The following SHROOM3 variants were observed in gnomAD, a reference collection of about 807,000 sequenced individuals.
SHROOM3 encodes shroom family member 3, also known as protein Shroom3.
A neutral mutation model predicts 138.6 loss-of-function variants in SHROOM3; 47 were observed. That is an observed-to-expected ratio of 0.34 (90% CI 0.27 to 0.43). The LOEUF (loss-of-function observed/expected upper bound fraction) is 0.43. Among genes scored for constraint, SHROOM3 ranks in the 20% least tolerant of loss-of-function variants. The probability of loss-of-function intolerance (pLI) is 1.00; values close to 1 mark genes in which losing one functional copy is unlikely to be tolerated. For missense variants in SHROOM3, 2,491 were observed against 2,596.5 expected (o/e 0.96, Z 0.88); for synonymous variants, 1,062 against 1,063.3 (o/e 1.00, Z 0.02).
intron 10 of SHROOM3, among the ~76,000 whole-genome samples, chr4:76,773,454 A>G (rs183426218): frequency 3.9e-5 from 6 of 152,106 alleles, no homozygotes; most frequent in African/African-American, 1.2e-4. Context: ...GATAAAGAAG[A>G]AAGTTCAAAG....
At chr4:76,491,534 TAA>T (rs1300126217) in intron 1 of SHROOM3, among the ~76,000 whole-genome samples, 1 of 152,220 alleles carries the variant, frequency 6.6e-6, no homozygotes, top group Non-Finnish European at 1.5e-5. Context: ...TCTCTGATAA[TAA>T]AAAGTCTAGC....
At chr4:76,651,370 G>A (rs912325426) in intron 2 of SHROOM3, among the ~76,000 whole-genome samples, 1 of 135,088 alleles carries the variant, frequency 7.4e-6, no homozygotes, top group Non-Finnish European at 1.6e-5. Flanking sequence ...CACATTGCAT[G>A]TCTGTATTAA....
intron 9 of SHROOM3, among the ~76,000 whole-genome samples, chr4:76,766,129 C>A (rs1303764509): frequency 6.6e-6 from 1 of 152,236 alleles, no homozygotes; most frequent in Non-Finnish European, 1.5e-5. Context: ...ATCCTCCTCA[C>A]TTTCCTCATC....
chr4:76,713,995 A>G (rs1720305274), intron 3 of SHROOM3, among the ~76,000 whole-genome samples: 1 of 152,208 alleles, frequency 6.6e-6, no homozygotes, highest in Admixed American at 6.5e-5. Flanking sequence ...CTCAGATCCT[A>G]CATCCTGTTT....
rs1393146458 is a variant in SHROOM3, at chr4:76,741,107, C to G, written c.2934C>G (p.Ser978=). The G allele has an allele frequency of 6.5e-7, 1 of 1,549,064 alleles. No individual in the cohort carries two copies. Among genetic ancestry groups the G allele is most frequent in the South Asian group, 1.2e-5 (1 of 84,174 alleles). Residue 978 remains serine, a synonymous_variant, in exon 5 of 11, where the codon TCC becomes TCG. Coordinates refer to ENST00000296043, the MANE Select transcript of SHROOM3 (RefSeq NM_020859.4). This position sits in a 1 kb window ranked among gnomAD's most constrained non-coding sequence, Gnocchi z 6.2. ...LRSPEASASA[S]PHTPRERHSV... is the part of the protein sequence containing the mutation. ...GCCCCGAGGCGTCGGCCTCCGCCTCCCCGCACACGCCCCGGGAGCGGCACA... is the reference window on the plus strand; with the variant it reads ...GCCCCGAGGCGTCGGCCTCCGCCTCGCCGCACACGCCCCGGGAGCGGCACA...
chr4:76,470,832 C>T (rs56087592), intron 1 of SHROOM3, among the ~76,000 whole-genome samples: 5,252 of 152,270 alleles, frequency 0.034, 113 homozygotes, highest in Middle Eastern at 0.071. Flanking sequence ...TAGCATGCCA[C>T]ATTTCAAGCA....
intron 2 of SHROOM3, among the ~76,000 whole-genome samples, chr4:76,629,670 C>T (rs1255699037): frequency 6.6e-6 from 1 of 151,784 alleles, no homozygotes; most frequent in Non-Finnish European, 1.5e-5. Flanking sequence ...TTTTGAAGGT[C>T]GAAACAACAG....
rs113219223 is a variant in SHROOM3 at position 76,529,709 on chromosome 4, G to A, written c.169-25900G>A. ...CATCTGAGGTTTCTATTACCCCTACGTACAGGACTGGACTTTCCAAGAGCT... is the reference window on the plus strand; with the variant it reads ...CATCTGAGGTTTCTATTACCCCTACATACAGGACTGGACTTTCCAAGAGCT... On this transcript the variant is annotated intron_variant, in intron 1 of 10. Coordinates refer to ENST00000296043, the MANE Select transcript of SHROOM3 (RefSeq NM_020859.4). Among the ~76,000 whole-genome samples the A allele has an allele frequency of 8.9e-4, 130 of 145,318 alleles. 1 individual carries two copies. The highest frequency in any genetic ancestry group is 3.1e-3 in the African/African-American group (121 of 38,514).
In SHROOM3 at chr4:76,730,823, C is replaced by T. The variant is rs746778402; in HGVS notation, c.475C>T (p.Arg159Ter). 2 of 1,613,986 alleles carry T rather than the reference C, an allele frequency of 1.2e-6. No homozygotes were observed. The highest frequency in any genetic ancestry group is 1.7e-5 in the Admixed American group (1 of 60,006). The change falls in exon 4 of 11, where the codon CGA becomes TGA. Residue 159 changes from arginine to a stop codon, truncating the protein, a stop_gained. Coordinates refer to ENST00000296043, the MANE Select transcript of SHROOM3 (RefSeq NM_020859.4). LOFTEE classifies it high-confidence loss of function. ...CCCCAGGCGCAGTGAGCCTGCAGGCCGACCTCACTCGTGGCACACAACTAA... is the reference window on the plus strand; with the variant it reads ...CCCCAGGCGCAGTGAGCCTGCAGGCTGACCTCACTCGTGGCACACAACTAA... ...LKHRRSEPAGRPHSWHTTKSG... is the reference protein window; with the variant it reads ...LKHRRSEPAG
At chr4:76,497,149 C>A (rs1007051257) in intron 1 of SHROOM3, among the ~76,000 whole-genome samples, 1 of 152,168 alleles carries the variant, frequency 6.6e-6, no homozygotes, top group Non-Finnish European at 1.5e-5. Flanking sequence ...GCTCTCTGAG[C>A]AAAATAACTT....
At chr4:76,453,374 G>A (rs913205809) in intron 1 of SHROOM3, among the ~76,000 whole-genome samples, 1 of 151,564 alleles carries the variant, frequency 6.6e-6, no homozygotes, top group Non-Finnish European at 1.5e-5. Context: ...GACCTCCTGG[G>A]CTCAAGTGAT....
intron 1 of SHROOM3, among the ~76,000 whole-genome samples, chr4:76,550,093 AT>A (rs143509513): frequency 1.3e-5 from 2 of 151,776 alleles, no homozygotes; most frequent in South Asian, 2.1e-4. Flanking sequence ...GTGCGTTTTA[AT>A]TTTTTTTTAT....
intron 1 of SHROOM3, among the ~76,000 whole-genome samples, chr4:76,506,492 A>G (rs1732214750): frequency 6.6e-6 from 1 of 152,180 alleles, no homozygotes; most frequent in Admixed American, 6.5e-5. Flanking sequence ...GTGTCTGTGG[A>G]TGAGGGGGCC....
chr4:76,446,354 G>A (rs939164350), intron 1 of SHROOM3, among the ~76,000 whole-genome samples: 4 of 149,276 alleles, frequency 2.7e-5, no homozygotes, highest in African/African-American at 9.8e-5. Flanking sequence ...TGGAATGCAT[G>A]AACTGTGTGC....
intron 2 of SHROOM3, among the ~76,000 whole-genome samples, chr4:76,568,104 G>A (rs1223137190): frequency 6.6e-6 from 1 of 152,058 alleles, no homozygotes; most frequent in Non-Finnish European, 1.5e-5. Flanking sequence ...TTCTTCGATG[G>A]CAGGGATTTT....
rs183291353 is a variant in SHROOM3 at position 76,552,142 on chromosome 4, A to G, written c.169-3467A>G. Among the ~76,000 whole-genome samples the G allele has an allele frequency of 1.0e-2, 1,508 of 151,038 alleles. 9 individuals carry two copies. Among genetic ancestry groups the G allele is most frequent in the Middle Eastern group, 0.021 (6 of 290 alleles). On this transcript the variant is annotated intron_variant, in intron 1 of 10. Coordinates refer to ENST00000296043, the MANE Select transcript of SHROOM3 (RefSeq NM_020859.4). ...CCCCTAAATTGCTGGGATTACAGGCATGAGCCACTGCGCCTGGCCTAAATT... is the reference window on the plus strand; with the variant it reads ...CCCCTAAATTGCTGGGATTACAGGCGTGAGCCACTGCGCCTGGCCTAAATT...
At chr4:76,609,645 A>G (rs1734720726) in intron 2 of SHROOM3, among the ~76,000 whole-genome samples, 1 of 152,248 alleles carries the variant, frequency 6.6e-6, no homozygotes, top group South Asian at 2.1e-4. Context: ...AAAACAAATT[A>G]CGTTGTAAAC....
chr4:76,735,764 C>T (rs1344461866), intron 4 of SHROOM3, among the ~76,000 whole-genome samples: 2 of 144,886 alleles, frequency 1.4e-5, no homozygotes, highest in African/African-American at 5.2e-5. Flanking sequence ...TGCTTGAACC[C>T]GGGAGGCGGT....
chr4:76,646,413 T>A lies in SHROOM3; in HGVS notation c.324-63743T>A, dbSNP rs190853351. 6.6e-4 allele frequency among the ~76,000 whole-genome samples: 100 copies of A among 152,040 alleles called. 1 individual carries two copies. The highest frequency in any genetic ancestry group is 2.3e-3 in the African/African-American group (94 of 41,470). On this transcript the variant is annotated intron_variant, in intron 2 of 10. Coordinates refer to ENST00000296043, the MANE Select transcript of SHROOM3 (RefSeq NM_020859.4). ...TTCCAATCTTTAAGAATAGTCACCA[T>A]TTCCTTGCCAAATTGTTTCTTTTCC...
Sources: allele counts gnomAD v4.1 joint callset (sites outside exome capture counted in the v4.1 genomes callset), GRCh38; gene constraint gnomAD v4.1.1; non-coding constraint Gnocchi (gnomAD v3.1); transcripts MANE v1.5; gene names NCBI Gene and HGNC (gene_info 2026-07-23, HGNC 2026-07-21).